The following PTPN2 variants were observed in gnomAD, a reference collection of about 807,000 sequenced individuals.
PTPN2 encodes protein tyrosine phosphatase non-receptor type 2.
PTPN2 carries 19 observed loss-of-function variants against 57.3 expected under a neutral mutation model. That is an observed-to-expected ratio of 0.33 (90% CI 0.23 to 0.49). The LOEUF is 0.49. Among genes scored for constraint, PTPN2 ranks in the 20% least tolerant of loss-of-function variants. The pLI is 0.99. For synonymous variants in PTPN2, 153 were observed against 164.9 expected, an observed-to-expected ratio of 0.93 and a Z score of 0.55; for missense variants, 358 against 501.1, an observed-to-expected ratio of 0.71 and a Z score of 2.73.
intron 1 of PTPN2, among the ~76,000 whole-genome samples, chr18:12,877,839 G>A (rs533505536): frequency 5.9e-5 from 9 of 152,032 alleles, no homozygotes; most frequent in African/African-American, 1.4e-4. Flanking sequence ...GTCAAACCCC[G>A]TCTCTACTAA....
At chr18:12,868,490 A>G (rs992581026) in intron 1 of PTPN2, among the ~76,000 whole-genome samples, 4 of 151,950 alleles carry the variant, frequency 2.6e-5, no homozygotes. Context: ...TACTGACCTC[A>G]GGTGATCCGC....
intron 1 of PTPN2, chr18:12,880,501 C>T (rs2145549389): frequency 6.6e-6 from 1 of 152,424 alleles, no homozygotes; most frequent in East Asian, 1.9e-4. Flanking sequence ...CCTACCTTCT[C>T]TCCTGAACTC....
At chr18:12,881,977 G>GC (rs1249259567) in intron 1 of PTPN2, among the ~76,000 whole-genome samples, 1 of 152,152 alleles carries the variant, frequency 6.6e-6, no homozygotes, top group Non-Finnish European at 1.5e-5. Flanking sequence ...CTACAATGAG[G>GC]CCCCAAAAGA....
chr18:12,873,689 C>T (rs2044358109), intron 1 of PTPN2, among the ~76,000 whole-genome samples: 1 of 152,220 alleles, frequency 6.6e-6, no homozygotes, highest in Non-Finnish European at 1.5e-5. Flanking sequence ...GCCCAGAGTG[C>T]AGCCTCTGCC....
intron 7 of PTPN2, among the ~76,000 whole-genome samples, chr18:12,803,165 A>G (rs2041493318): frequency 6.6e-6 from 1 of 152,234 alleles, no homozygotes; most frequent in South Asian, 2.1e-4. Context: ...AGTTATTATC[A>G]GCTTAAAACA....
downstream of PTPN2, among the ~76,000 whole-genome samples, chr18:12,788,953 C>T (rs2040913793): frequency 6.6e-6 from 1 of 152,090 alleles, no homozygotes; most frequent in South Asian, 2.1e-4. Flanking sequence ...TAATACTACC[C>T]AAAGAGGAGT....
chr18:12,840,328 G>A (rs186298462), intron 2 of PTPN2, among the ~76,000 whole-genome samples: 20 of 152,112 alleles, frequency 1.3e-4, no homozygotes, highest in African/African-American at 4.3e-4. Context: ...CTCATAAATC[G>A]AGCAATGAAC....
chr18:12,801,304 G>A (rs535014018), intron 8 of PTPN2, among the ~76,000 whole-genome samples: 4 of 152,140 alleles, frequency 2.6e-5, no homozygotes, highest in Non-Finnish European at 2.9e-5. Context: ...CCTGAGGTCA[G>A]GAGTTCAAGA....
Position 12,870,456 on chromosome 18 carries a change from T to TAGAGAG in PTPN2, c.70-11203_70-11202insCTCTCT, listed in dbSNP as rs1211666602. Among the ~76,000 whole-genome samples the TAGAGAG allele has an allele frequency of 7.2e-3, 279 of 38,564 alleles. 6 individuals carry two copies. Among genetic ancestry groups the TAGAGAG allele is most frequent in the South Asian group, 9.8e-3 (7 of 712 alleles). The allele number at this position is 38,564 out of a possible 152,430, so 25.3% of individuals were successfully genotyped here. ...ATATATATGTGTATATATATATATA[T>TAGAGAG]ATATATAGAGAGAGAGAGAGAGAGA... On this transcript the variant is annotated intron_variant, in intron 1 of 8. Coordinates refer to ENST00000309660, the MANE Select transcript of PTPN2 (RefSeq NM_002828.4).
intron 2 of PTPN2, among the ~76,000 whole-genome samples, chr18:12,848,868 C>G (rs16939922): frequency 0.043 from 6,541 of 152,288 alleles, 491 homozygotes; most frequent in African/African-American, 0.15. Context: ...AACCTTCCTG[C>G]TTTGGCTATG....
At chr18:12,811,859 T>C (rs1033470266) in intron 7 of PTPN2, among the ~76,000 whole-genome samples, 6 of 147,360 alleles carry the variant, frequency 4.1e-5, no homozygotes, top group Admixed American at 2.7e-4. Context: ...TGTGCTCACG[T>C]TGCACCAACC....
intron 2 of PTPN2, among the ~76,000 whole-genome samples, chr18:12,845,356 T>G (rs1273298579): frequency 6.6e-6 from 1 of 152,194 alleles, no homozygotes; most frequent in Non-Finnish European, 1.5e-5. Flanking sequence ...ATCTTTTGAT[T>G]TCTTTTATCC....
In PTPN2 at chr18:12,854,373, AAAG is replaced by A. The variant is rs575947823; in HGVS notation, c.160+4788_160+4790del. Among the ~76,000 whole-genome samples the A allele has an allele frequency of 7.5e-3, 1,116 of 149,574 alleles. 19 individuals carry two copies. The highest frequency in any genetic ancestry group is 0.027 in the African/African-American group (1,081 of 40,562). On this transcript the variant is annotated intron_variant, in intron 2 of 8. Transcript: ENST00000309660. ...AGACCCTGTCTTGAAAAAAAAAAAA[AAAG>A]AAAAAAGAAAAAGAAATAGGAATAC...
At chr18:12,868,150 A>T (rs947269179) in intron 1 of PTPN2, among the ~76,000 whole-genome samples, 4 of 152,230 alleles carry the variant, frequency 2.6e-5, no homozygotes, top group African/African-American at 9.6e-5. Context: ...TCAATGATAA[A>T]TCAGAAAACA....
At chr18:12,882,263 A>C (rs1486526992) in intron 1 of PTPN2, among the ~76,000 whole-genome samples, 3 of 152,202 alleles carry the variant, frequency 2.0e-5, no homozygotes. Flanking sequence ...TCTTGTTTTC[A>C]ACTAGGAAAA....
At chr18:12,827,349 A>AT (rs1266480800) in intron 4 of PTPN2, among the ~76,000 whole-genome samples, 31 of 142,304 alleles carry the variant, frequency 2.2e-4, no homozygotes, top group Non-Finnish European at 4.3e-4. Context: ...TCTCAAAAAA[A>AT]AAAAAAAATA....
chr18:12,819,095 A>C (rs1351467948), intron 5 of PTPN2: 1 of 104,314 alleles, frequency 9.6e-6, no homozygotes, highest in Non-Finnish European at 2.0e-5. Context: ...ACTCCATCTC[A>C]AAAAAAAAAA....
At chr18:12,830,213 A>T (rs2042622552) in intron 4 of PTPN2, among the ~76,000 whole-genome samples, 1 of 151,988 alleles carries the variant, frequency 6.6e-6, no homozygotes. Flanking sequence ...GCAGTGGCAC[A>T]ATCTCGGCTC....
intron 1 of PTPN2, 68 bp downstream of exon 1, chr18:12,884,005 C>G (rs1414777938): frequency 2.2e-6 from 3 of 1,388,848 alleles, no homozygotes; most frequent in East Asian, 2.7e-5. Context: ...CGGGAGGGAC[C>G]CTGCGGACAG....
Sources: gnomAD v4.1 joint callset for allele counts (sites outside exome capture counted in the v4.1 genomes callset) on GRCh38, gnomAD v4.1.1 for gene constraint, MANE v1.5 for transcripts, NCBI Gene and HGNC (gene_info 2026-07-23, HGNC 2026-07-21) for gene names.